Variants in GPR39 observed in about 807,000 individuals in gnomAD.
The protein encoded by GPR39 is zinc sensing receptor.
Under a neutral mutation model 18.4 loss-of-function variants are expected in GPR39, and 23 were observed. That is an observed-to-expected ratio of 1.25 (90% CI 0.90 to 1.77). The LOEUF (loss-of-function observed/expected upper bound fraction) is 1.77, where lower values mean the gene tolerates loss of function less well. Ranked by LOEUF, GPR39 falls within the 40% of genes most tolerant of loss-of-function variation. GPR39 has a pLI of 0.00. For synonymous variants in GPR39, 280 were observed against 257.9 expected (o/e 1.09, Z -0.82); for missense variants, 647 against 602.4 (o/e 1.07, Z -0.78).
intron 1 of GPR39, among the ~76,000 whole-genome samples, chr2:132,476,111 C>G (rs897779478): frequency 1.3e-5 from 2 of 151,946 alleles, no homozygotes; most frequent in Non-Finnish European, 1.5e-5. Context: ...TAGTTTCAAG[C>G]CAACACCTTA....
chr2:132,492,144 T>C (rs1681477279), intron 1 of GPR39, among the ~76,000 whole-genome samples: 1 of 148,000 alleles, frequency 6.8e-6, no homozygotes, highest in South Asian at 2.1e-4. Context: ...ATACCATATA[T>C]ATACACCACA....
At chr2:132,506,782 A>G (rs1679142307) in intron 1 of GPR39, among the ~76,000 whole-genome samples, 1 of 152,186 alleles carries the variant, frequency 6.6e-6, no homozygotes, top group South Asian at 2.1e-4. Flanking sequence ...GGGAACTACA[A>G]TTCAAGATGA....
intron 1 of GPR39, among the ~76,000 whole-genome samples, chr2:132,539,772 A>G (rs1679831323): frequency 1.3e-5 from 2 of 152,150 alleles, no homozygotes; most frequent in African/African-American, 4.8e-5. Context: ...GCTTTCCCAG[A>G]TAAGACAGGG....
At chr2:132,418,989 G>C (rs1190916218) in intron 1 of GPR39, among the ~76,000 whole-genome samples, 14 of 152,228 alleles carry the variant, frequency 9.2e-5, no homozygotes. Flanking sequence ...AGACATGAGA[G>C]AGAGTTGGAA....
intron 1 of GPR39, among the ~76,000 whole-genome samples, chr2:132,569,176 C>A (rs1486771861): frequency 2.0e-5 from 3 of 152,060 alleles, no homozygotes; most frequent in Non-Finnish European, 4.4e-5. Context: ...CCTTATGCTG[C>A]AATGAGCAAG....
intron 1 of GPR39, among the ~76,000 whole-genome samples, chr2:132,541,209 C>T (rs552840437): frequency 1.3e-5 from 2 of 152,194 alleles, no homozygotes; most frequent in African/African-American, 2.4e-5. Flanking sequence ...TCAGCCTCCC[C>T]AGTAGCCGAA....
At chr2:132,620,784 G>A (rs984238372) in intron 1 of GPR39, among the ~76,000 whole-genome samples, 23 of 151,996 alleles carry the variant, frequency 1.5e-4, no homozygotes, top group African/African-American at 5.1e-4. Flanking sequence ...ATGGAGTCTC[G>A]CTCTGTCACC....
At chr2:132,451,476 A>C (rs1680632216) in intron 1 of GPR39, among the ~76,000 whole-genome samples, 2 of 152,164 alleles carry the variant, frequency 1.3e-5, no homozygotes, top group Non-Finnish European at 2.9e-5. Flanking sequence ...ATATTCATTG[A>C]ATGAATGGAT....
chr2:132,513,983 G>T (rs906093748), intron 1 of GPR39, among the ~76,000 whole-genome samples: 1 of 152,202 alleles, frequency 6.6e-6, no homozygotes, highest in African/African-American at 2.4e-5. Flanking sequence ...GGTTTGAGTA[G>T]CTTCTTTTGG....
At chr2:132,621,250 G>A (rs879521115) in intron 1 of GPR39, among the ~76,000 whole-genome samples, 4 of 152,114 alleles carry the variant, frequency 2.6e-5, no homozygotes, top group South Asian at 2.1e-4. Context: ...TGCTGAAAAC[G>A]GGTCCCTGAA....
At chr2:132,442,765 T>C (rs1009344971) in intron 1 of GPR39, among the ~76,000 whole-genome samples, 1 of 148,804 alleles carries the variant, frequency 6.7e-6, no homozygotes, top group Admixed American at 6.7e-5. Context: ...TCCTTGCTGC[T>C]TTTTTTTCTT....
intron 1 of GPR39, among the ~76,000 whole-genome samples, chr2:132,589,169 C>T (rs1236867746): frequency 6.6e-6 from 1 of 152,100 alleles, no homozygotes; most frequent in East Asian, 1.9e-4. Context: ...ATCGTGGGAC[C>T]CATGTCTGCA....
rs776231868 is a variant in GPR39, at chr2:132,575,019, T to A, written c.857-70082T>A. On this transcript the variant is annotated intron_variant, in intron 1 of 1. Coordinates refer to ENST00000329321, the MANE Select transcript of GPR39 (RefSeq NM_001508.3). Reference sequence around the variant, plus strand: ...AGAACTTTCTTCTGCATATTCTGTATCTACAAATTTCTACATTTATTTTTT... The same window carrying A: ...AGAACTTTCTTCTGCATATTCTGTAACTACAAATTTCTACATTTATTTTTT... Among the ~76,000 whole-genome samples the A allele has an allele frequency of 1.6e-4, 25 of 152,310 alleles. 1 individual carries two copies. Among genetic ancestry groups the A allele is most frequent in the Middle Eastern group, 6.8e-3 (2 of 294 alleles).
chr2:132,458,936 T>G (rs1680785143), intron 1 of GPR39, among the ~76,000 whole-genome samples: 1 of 152,204 alleles, frequency 6.6e-6, no homozygotes, highest in Admixed American at 6.5e-5. Flanking sequence ...TGTCTCCTTA[T>G]TCAACCCATT....
intron 1 of GPR39, among the ~76,000 whole-genome samples, chr2:132,510,133 T>C (rs1679213765): frequency 6.6e-6 from 1 of 152,190 alleles, no homozygotes. Context: ...TTTGTAAGCA[T>C]AGTCCTGACA....
intron 1 of GPR39, among the ~76,000 whole-genome samples, chr2:132,559,477 A>G (rs4954342): frequency 0.29 from 44,067 of 151,876 alleles, 7,192 homozygotes; most frequent in East Asian, 0.77. Context: ...TTCAGTGAAC[A>G]CATAAACACC....
At chr2:132,524,943 C>T (rs926720605) in intron 1 of GPR39, among the ~76,000 whole-genome samples, 7 of 152,118 alleles carry the variant, frequency 4.6e-5, no homozygotes, top group Non-Finnish European at 7.3e-5. Flanking sequence ...TTTATACAGC[C>T]CATACTCAAG....
chr2:132,619,538 G>T (rs1318928548), intron 1 of GPR39, among the ~76,000 whole-genome samples: 1 of 152,188 alleles, frequency 6.6e-6, no homozygotes, highest in Non-Finnish European at 1.5e-5. Context: ...TTTCTACCCA[G>T]TTGTGCTTCA....
At chr2:132,604,544 CG>C (rs1386326886) in intron 1 of GPR39, 1 of 152,166 alleles carries the variant, frequency 6.6e-6, no homozygotes, top group East Asian at 1.9e-4. Context: ...GACAAAAAGA[CG>C]GTTATGACTT....
Sources: gnomAD v4.1 joint callset for allele counts (sites outside exome capture counted in the v4.1 genomes callset) on GRCh38, gnomAD v4.1.1 for gene constraint, MANE v1.5 for transcripts, NCBI Gene and HGNC (gene_info 2026-07-23, HGNC 2026-07-21) for gene names.